RNF126: variants seen among roughly 807,000 people sequenced by gnomAD.
RNF126 encodes the protein E3 ubiquitin-protein ligase RNF126.
RNF126 carries 20 observed loss-of-function variants against 41.9 expected under a neutral mutation model. That is an observed-to-expected ratio of 0.48 (90% CI 0.34 to 0.69). The LOEUF is 0.69. Ranked by LOEUF, RNF126 falls within the 30% of genes least tolerant of loss-of-function variation. RNF126 has a pLI of 0.01. For synonymous variants in RNF126, 239 were observed against 202.9 expected (o/e 1.18, Z -1.51); for missense variants, 433 against 460.6 (o/e 0.94, Z 0.55).
Position 648,353 on chromosome 19 carries a change from GGGT to G in RNF126, c.786+16_786+18del. On this transcript the variant is annotated intron_variant, in intron 8 of 8. Transcript: ENST00000292363. The stretch of plus-strand genomic sequence containing the variant: ...AGGGCCGCGGTCGGGGTGGGGGGGC[GGGT>G]GGGCGGGGCACTCACCTGCTCCAGC... 1.5e-6 allele frequency: 1 copy of G among 659,504 alleles called. No individual in the cohort carries two copies. The highest frequency in any genetic ancestry group is 2.4e-6 in the Non-Finnish European group (1 of 413,600). 40.9% of individuals were successfully genotyped at this position (659,504 alleles called of 1,614,324 possible).
chr19:652,390 G>C (rs2030352906), intron 2 of RNF126, 94 bp from the exon 3 acceptor site: 2 of 1,159,674 alleles, frequency 1.7e-6, no homozygotes, highest in Admixed American at 2.8e-5. Context: ...GGGAGAGCAG[G>C]AATTGTCCTT....
At chr19:655,476 A>C (rs1157975633) in intron 1 of RNF126, among the ~76,000 whole-genome samples, 1 of 150,946 alleles carries the variant, frequency 6.6e-6, no homozygotes, top group Non-Finnish European at 1.5e-5. Flanking sequence ...ACAGAGTGAC[A>C]CTCCATCTCA....
Position 651,847 on chromosome 19 carries a change from G to C in RNF126, c.207C>G (p.Asp69Glu). ...CCTGCGGCAGCGTGAACAGGTGCTG[G>C]TCCACGTGCTGGGGAGAGGAGGGGG... Reference protein sequence around the residue: ...DQSRPPLEHVDQHLFTLPQGY... With the variant: ...DQSRPPLEHVEQHLFTLPQGY... Residue 69 changes from aspartate (D) to glutamate (E), a missense_variant, in exon 4 of 9, where the codon GAC becomes GAG. By Grantham distance (45) the Asp-to-Glu change is conservative (BLOSUM62 2). Transcript: ENST00000292363. 1 of 1,609,178 alleles carries C rather than the reference G, an allele frequency of 6.2e-7. No homozygotes were observed. Among genetic ancestry groups the C allele is most frequent in the Non-Finnish European group, 8.5e-7 (1 of 1,178,216 alleles).
rs1432134402 is a variant in RNF126 at position 659,475 on chromosome 19, TGGAACCACCCTA to T, written c.75+3560_75+3571del. Among the ~76,000 whole-genome samples the T allele has an allele frequency of 6.6e-5, 10 of 152,090 alleles. No homozygotes were observed. The East Asian group carries it at 1.7e-3, about 26-fold the overall frequency. On this transcript the variant is annotated intron_variant, in intron 1 of 8. Coordinates refer to ENST00000292363, the MANE Select transcript of RNF126 (RefSeq NM_194460.3). The surrounding 1 kb of genome is among the most constrained non-coding windows in gnomAD (Gnocchi z 4.9). The stretch of plus-strand genomic sequence containing the variant: ...GGGGTGGGGGGTCGGCAGGCAGAGC[TGGAACCACCCTA>T]GGAACCACCCAGAGACGGGGAGGTC...
intron 1 of RNF126, 108 bp downstream of exon 1, chr19:662,939 G>A (rs1428631858): frequency 9.5e-6 from 4 of 420,636 alleles, no homozygotes; most frequent in Non-Finnish European, 3.8e-6. Context: ...TTCCCGTCGT[G>A]GTCAGCTCGC....
intron 3 of RNF126, 89 bp from the exon 4 acceptor site, chr19:651,944 A>G (rs757421857): frequency 1.3e-5 from 17 of 1,265,148 alleles, no homozygotes; most frequent in Non-Finnish European, 1.7e-5. Flanking sequence ...GGAGAAAGCA[A>G]GACGGGCCCT....
rs1555680170 is a variant in RNF126, at chr19:649,222, G to GGC, written c.577-248_577-247insGC. 10 of 255,626 alleles carry GGC rather than the reference G, an allele frequency of 3.9e-5. 2 individuals are homozygous for GGC. In the Admixed American group the frequency reaches 4.4e-4, roughly 11 times the overall value. 15.8% of individuals were successfully genotyped at this position (255,626 alleles called of 1,614,324 possible). A position where few individuals can be genotyped will look rare whatever the true frequency, so the allele number is the denominator to read the frequency against. ...CTCCTGGGTCCCTGACAGCGGAATG[G>GGC]GGGGGGGGGCCGCGCTCCTGAGTGC... On this transcript the variant is annotated intron_variant, in intron 6 of 8. Transcript: ENST00000292363.
chr19:652,354 G>A (rs542593894), intron 2 of RNF126, 58 bp from the exon 3 acceptor site: 20 of 1,399,162 alleles, frequency 1.4e-5, no homozygotes, highest in South Asian at 4.0e-5. Flanking sequence ...TGCGCCAGGC[G>A]CTCCCTCCCC....
intron 3 of RNF126, 95 bp downstream of exon 3, chr19:652,138 A>C: frequency 9.3e-7 from 1 of 1,073,328 alleles, no homozygotes; most frequent in Non-Finnish European, 1.3e-6. Context: ...CCGTGCGGGC[A>C]GGGAGAGCCG....
chr19:652,233 C>A lies in RNF126; in HGVS notation c.198G>T (p.Glu66Asp). The change falls in exon 3 of 9, where the codon GAG (glutamate) becomes GAT (aspartate). Residue 66 changes from glutamate (E) to aspartate (D), a missense_variant and splice_region_variant. Glu to Asp is a conservative substitution (Grantham distance 45, BLOSUM62 2). Coordinates refer to ENST00000292363, the MANE Select transcript of RNF126 (RefSeq NM_194460.3). ...APTDQSRPPL[E>D]HVDQHLFTLP... ...GAAGCACGAGGGGCGGGCGACTCACCTCCAACGGTGGCCGGCTCTGGTCTG... is the reference window on the plus strand; with the variant it reads ...GAAGCACGAGGGGCGGGCGACTCACATCCAACGGTGGCCGGCTCTGGTCTG... 2 of 1,530,920 alleles carry A rather than the reference C, an allele frequency of 1.3e-6. No homozygotes were observed. Among genetic ancestry groups the A allele is most frequent in the Admixed American group, 2.6e-5 (1 of 37,926 alleles). 94.8% of individuals were successfully genotyped at this position (1,530,920 alleles called of 1,614,324 possible).
rs1335643674 is a variant in RNF126, at chr19:651,651, G to A, written c.403C>T (p.Arg135Trp). 1.2e-5 allele frequency: 18 copies of A among 1,520,238 alleles called. No individual in the cohort carries two copies. The highest frequency in any genetic ancestry group is 4.3e-5 in the Admixed American group (2 of 46,814). 94.2% of individuals were successfully genotyped at this position (1,520,238 alleles called of 1,614,324 possible). A position where few individuals can be genotyped will look rare whatever the true frequency, so the allele number is the denominator to read the frequency against. The change falls in exon 4 of 9, where the codon CGG (arginine) becomes TGG (tryptophan). Residue 135 changes from arginine to tryptophan, a missense_variant. Around this residue, in one of 5 missense-constraint regions of RNF126, gnomAD observed 247 missense variants for 224.7 expected, o/e 1.10. Coordinates refer to ENST00000292363, the MANE Select transcript of RNF126 (RefSeq NM_194460.3). ...ACGCCTTCGTGCCGGCCGGTGGCCCGCCGCGTGGTGAGGCGGGCGCGGGGC... is the reference window on the plus strand; with the variant it reads ...ACGCCTTCGTGCCGGCCGGTGGCCCACCGCGTGGTGAGGCGGGCGCGGGGC... ...RQPRARLTTR[R>W]ATGRHEGVPT...
At chr19:657,633 G>C (rs972550704) in intron 1 of RNF126, among the ~76,000 whole-genome samples, 1 of 152,212 alleles carries the variant, frequency 6.6e-6, no homozygotes, top group African/African-American at 2.4e-5. Context: ...CTGTCACAGA[G>C]GACAGCCTGG....
Position 648,013 on chromosome 19 carries a change from C to T in RNF126, c.*115G>A, listed in dbSNP as rs1402042825. 1.3e-5 allele frequency: 16 copies of T among 1,246,710 alleles called. No individual in the cohort carries two copies. The East Asian group carries it at 3.3e-4, about 26-fold the overall frequency. 77.2% of individuals were successfully genotyped at this position (1,246,710 alleles called of 1,614,324 possible). A position where few individuals can be genotyped will look rare whatever the true frequency, so the allele number is the denominator to read the frequency against. On this transcript the variant is annotated 3_prime_UTR_variant, in exon 9 of 9. Transcript: ENST00000292363. ...CCTGCCCTGGAACAGGCGGGACCTG[C>T]AGCGCTGACCAGCCAAGCGTGGCGC...
intron 1 of RNF126, among the ~76,000 whole-genome samples, chr19:658,034 C>A (rs113592844): frequency 0.021 from 3,270 of 152,102 alleles, 125 homozygotes; most frequent in African/African-American, 0.075. Flanking sequence ...GGGGCCCCCA[C>A]AGAGGCCCCA....
intron 1 of RNF126, among the ~76,000 whole-genome samples, chr19:655,358 C>T (rs1435810979): frequency 6.6e-6 from 1 of 151,716 alleles, no homozygotes; most frequent in Admixed American, 6.6e-5. Context: ...ACAGACAACG[C>T]AACTAAAAAC....
At chr19:653,899 A>G (rs1409661818) in intron 1 of RNF126, among the ~76,000 whole-genome samples, 1 of 152,068 alleles carries the variant, frequency 6.6e-6, no homozygotes, top group Non-Finnish European at 1.5e-5. Context: ...ACAGACAAAA[A>G]CAGGAGACAA....
intron 4 of RNF126, chr19:651,300 C>A (rs2030269523): frequency 4.1e-6 from 1 of 244,854 alleles, no homozygotes; most frequent in Admixed American, 5.7e-5. Context: ...CTCCCCCAGG[C>A]TCTGTTCTGG....
At chr19:648,345 G>C (rs7254550) in intron 8 of RNF126, 27 bp downstream of exon 8, 81 of 497,038 alleles carry the variant, frequency 1.6e-4, no homozygotes, top group African/African-American at 7.6e-4. Flanking sequence ...CGGTCGGGGT[G>C]GGGGGGCGGG....
chr19:652,596 G>A (rs368133350), intron 2 of RNF126: 2 of 607,444 alleles, frequency 3.3e-6, no homozygotes, highest in Non-Finnish European at 2.9e-6. Flanking sequence ...CGAGGCTGAG[G>A]GAGGTGAGCG....
Sources: gnomAD v4.1 joint callset for allele counts (sites outside exome capture counted in the v4.1 genomes callset) on GRCh38, gnomAD v4.1.1 for gene constraint, gnomAD v4.1.1 regional missense constraint, Gnocchi (gnomAD v3.1) non-coding constraint, MANE v1.5 for transcripts, NCBI Gene and HGNC (gene_info 2026-07-23, HGNC 2026-07-21) for gene names.